The following PCDHGB3 variants were observed in gnomAD, a reference collection of about 807,000 sequenced individuals.
PCDHGB3 encodes protocadherin gamma-B3.
PCDHGB3 carries 40 observed loss-of-function variants against 59.2 expected under a neutral mutation model. The ratio of observed to expected loss-of-function variants is 0.68; its 90% CI spans 0.52 to 0.88. The LOEUF (loss-of-function observed/expected upper bound fraction) is 0.88, where lower values mean the gene tolerates loss of function less well. Ranked by LOEUF, PCDHGB3 falls within the 40% of genes least tolerant of loss-of-function variation. PCDHGB3 has a pLI of 0.00. For missense variants in PCDHGB3, 1,309 were observed against 1,187.9 expected (o/e 1.10, Z -1.50); for synonymous variants, 581 against 503.6 (o/e 1.15, Z -2.06).
At chr5:141,399,075 A>C (rs759361503) in intron 1 of PCDHGB3, 1 of 1,613,868 alleles carries the variant, frequency 6.2e-7, no homozygotes, top group Non-Finnish European at 8.5e-7. Flanking sequence ...TGGTTGTAGA[A>C]GGGAGGGATG....
At chr5:141,492,495 G>A (rs750427038) in intron 1 of PCDHGB3, among the ~76,000 whole-genome samples, 65 of 152,186 alleles carry the variant, frequency 4.3e-4, no homozygotes, top group Non-Finnish European at 6.0e-4. Context: ...ACCAGGCGAG[G>A]ACTCCGGAGC....
chr5:141,487,475 C>A lies in PCDHGB3; in HGVS notation c.2416-7332C>A. 6.2e-7 allele frequency: 1 copy of A among 1,614,156 alleles called. No individual in the cohort carries two copies. The highest frequency in any genetic ancestry group is 8.5e-7 in the Non-Finnish European group (1 of 1,180,032). On this transcript the variant is annotated intron_variant, in intron 1 of 3. Transcript: ENST00000576222. This position sits in a 1 kb window ranked among gnomAD's most constrained non-coding sequence, Gnocchi z 5.0. ...TATCAAGTTTGTTGATGTGGGAGGC[C>A]ACTCTCATGGCTGTACACCCTTGGC...
intron 1 of PCDHGB3, chr5:141,384,772 G>A: frequency 6.2e-7 from 1 of 1,613,920 alleles, no homozygotes. Flanking sequence ...GTACACGGGC[G>A]AGGTGCGCAC....
intron 1 of PCDHGB3, chr5:141,385,485 A>T: frequency 2.8e-6 from 4 of 1,418,146 alleles, no homozygotes; most frequent in Non-Finnish European, 3.7e-6. Flanking sequence ...AATATAGAAC[A>T]CATAGGATAT....
At chr5:141,393,297 G>T (rs376887343) in intron 1 of PCDHGB3, 3 of 1,613,934 alleles carry the variant, frequency 1.9e-6, no homozygotes, top group Non-Finnish European at 1.7e-6. Context: ...TGACCCGGAT[G>T]TGGGCGTGAA....
At chr5:141,372,930 T>C (rs1381737731) in intron 1 of PCDHGB3, 121 bp downstream of exon 1, 2 of 884,806 alleles carry the variant, frequency 2.3e-6, no homozygotes, top group East Asian at 2.7e-5. Flanking sequence ...TTTTCTGGTG[T>C]AGAGTAGGGT....
chr5:141,479,939 A>G (rs763454741), intron 1 of PCDHGB3, among the ~76,000 whole-genome samples: 2 of 152,004 alleles, frequency 1.3e-5, no homozygotes, highest in Non-Finnish European at 2.9e-5. Flanking sequence ...ATTGCTATCA[A>G]CTCTTGGATT....
chr5:141,507,196 CCAGAT>C (rs2099859095), intron 3 of PCDHGB3: 1 of 152,374 alleles, frequency 6.6e-6, no homozygotes, highest in Non-Finnish European at 1.5e-5. Context: ...CTTTATTCTT[CCAGAT>C]CAGGGTTGCC....
chr5:141,459,232 G>C (rs1293027771), intron 1 of PCDHGB3, among the ~76,000 whole-genome samples: 1 of 152,152 alleles, frequency 6.6e-6, no homozygotes, highest in Non-Finnish European at 1.5e-5. Context: ...GCAACAACTG[G>C]TCTGCTTCCT....
At chr5:141,463,417 G>A (rs548514637) in intron 1 of PCDHGB3, among the ~76,000 whole-genome samples, 1 of 146,650 alleles carries the variant, frequency 6.8e-6, no homozygotes, top group South Asian at 2.2e-4. Context: ...ATCCTAGTTT[G>A]CGGATCCTCA....
intron 1 of PCDHGB3, chr5:141,399,802 C>G: frequency 3.1e-6 from 5 of 1,613,252 alleles, no homozygotes; most frequent in Non-Finnish European, 3.4e-6. Flanking sequence ...ACCGCGGGTG[C>G]TGTACCCCGC....
chr5:141,413,981 C>T (rs563161887), intron 1 of PCDHGB3: 52 of 1,613,334 alleles, frequency 3.2e-5, no homozygotes, highest in African/African-American at 5.3e-5. Context: ...CTGACAGTCA[C>T]AGCCACCGAC....
chr5:141,399,059 A>T (rs769553635), intron 1 of PCDHGB3: 8 of 1,613,882 alleles, frequency 5.0e-6, no homozygotes, highest in Non-Finnish European at 6.8e-6. Context: ...ACCAAGGAAT[A>T]TTCAATGGTT....
At chr5:141,391,449 A>C (rs1432134490) in intron 1 of PCDHGB3, 2 of 152,026 alleles carry the variant, frequency 1.3e-5, no homozygotes, top group Admixed American at 1.3e-4. Context: ...ACTAGCTGGA[A>C]CTCAGGCTCA....
At chr5:141,484,392 T>G (rs1454201773) in intron 1 of PCDHGB3, among the ~76,000 whole-genome samples, 1 of 152,162 alleles carries the variant, frequency 6.6e-6, no homozygotes, top group African/African-American at 2.4e-5. Flanking sequence ...TAAGAAAGGT[T>G]TGGTTTCCGC....
At chr5:141,421,300 C>A (rs377161386) in intron 1 of PCDHGB3, 2 of 1,613,320 alleles carry the variant, frequency 1.2e-6, no homozygotes, top group African/African-American at 1.3e-5. Context: ...GGGGACGCTG[C>A]GGGGGTTCCG....
At position 141,486,141 on chromosome 5, in the gene PCDHGB3, G is replaced by A. The variant is rs369317501; in HGVS notation, c.2416-8666G>A. 28 of 1,614,066 alleles carry A rather than the reference G, an allele frequency of 1.7e-5. No homozygotes were observed. The highest frequency in any genetic ancestry group is 2.3e-5 in the Non-Finnish European group (27 of 1,180,044). On this transcript the variant is annotated intron_variant, in intron 1 of 3. Transcript: ENST00000576222. This position sits in a 1 kb window ranked among gnomAD's most constrained non-coding sequence, Gnocchi z 5.0. ...TACTATGAATTTGATGTGCGGGCTC[G>A]CGATGGGGGTTCTCCAGCCATGGAG...
chr5:141,419,084 GC>G (rs1218012099), intron 1 of PCDHGB3: 1 of 1,613,802 alleles, frequency 6.2e-7, no homozygotes, highest in African/African-American at 1.3e-5. Flanking sequence ...AACAGATGAG[GC>G]CCTGGATCGG....
chr5:141,381,979 G>T (rs767842302), intron 1 of PCDHGB3, among the ~76,000 whole-genome samples: 1 of 151,486 alleles, frequency 6.6e-6, no homozygotes, highest in African/African-American at 2.4e-5. Context: ...ACAGGCGCGC[G>T]CCACCACGCC....
Sources: gnomAD v4.1 joint callset for allele counts (sites outside exome capture counted in the v4.1 genomes callset) on GRCh38, gnomAD v4.1.1 for gene constraint, Gnocchi (gnomAD v3.1) non-coding constraint, MANE v1.5 for transcripts, NCBI Gene and HGNC (gene_info 2026-07-23, HGNC 2026-07-21) for gene names.